Variants in PPM1K observed in about 807,000 individuals in gnomAD.
PPM1K encodes protein phosphatase Mn(2+)-dependent 1K.
In PPM1K, 19 loss-of-function variants were observed where a neutral mutation model predicts 32.6. That is an observed-to-expected ratio of 0.58 (90% CI 0.41 to 0.86). The LOEUF (loss-of-function observed/expected upper bound fraction) is 0.86, where lower values mean the gene tolerates loss of function less well. Among genes scored for constraint, PPM1K ranks in the 40% least tolerant of loss-of-function variants. PPM1K has a pLI of 0.00. For missense variants in PPM1K, 362 were observed against 461.2 expected, an observed-to-expected ratio of 0.78 and a Z score of 1.97; for synonymous variants, 159 against 165.3, an observed-to-expected ratio of 0.96 and a Z score of 0.29.
intron 6 of PPM1K, among the ~76,000 whole-genome samples, chr4:88,263,321 G>GT (rs1465108372): frequency 6.6e-6 from 1 of 152,098 alleles, no homozygotes; most frequent in Non-Finnish European, 1.5e-5. Context: ...AAAAAATATG[G>GT]TAAGAATTTG....
intron 3 of PPM1K, among the ~76,000 whole-genome samples, chr4:88,269,709 GC>G (rs927267829): frequency 5.3e-5 from 8 of 152,168 alleles, no homozygotes; most frequent in African/African-American, 1.9e-4. Flanking sequence ...CAAACGCAGG[GC>G]AGTACTGCCA....
chr4:88,265,070 A>C lies in PPM1K; in HGVS notation c.918T>G (p.Ser306Arg). The C allele has an allele frequency of 1.9e-6, 3 of 1,614,166 alleles. No homozygotes were observed. Among genetic ancestry groups the C allele is most frequent in the Non-Finnish European group, 2.5e-6 (3 of 1,180,026 alleles). Residue 306 changes from serine to arginine, a missense_variant, in exon 6 of 7, where the codon AGT (serine) becomes AGG (arginine). Coordinates refer to ENST00000608933, the MANE Select transcript of PPM1K (RefSeq NM_152542.5). ...GATTGACAAAGTCACAAATCTCTTG[A>C]CTATTCACCATGAAGTTAATTCCAT... ...TTDGINFMVN[S>R]QEICDFVNQC...
intron 2 of PPM1K, chr4:88,277,538 A>G (rs1371880149): frequency 9.8e-6 from 3 of 306,896 alleles, no homozygotes; most frequent in Non-Finnish European, 1.2e-5. Flanking sequence ...TCTTTCGTGG[A>G]ATGCGGTATA....
rs1731133757 is a variant in PPM1K, at chr4:88,261,880, T to TGGG, written c.*714_*715insCCC. On this transcript the variant is annotated 3_prime_UTR_variant, in exon 7 of 7. Transcript: ENST00000608933. Reference sequence around the variant, plus strand: ...GCCCAGCCAATTTTTTTTTTTTTTTTTTTTTTTTTTTTGGATTTTTACTAG... The same window carrying TGGG: ...GCCCAGCCAATTTTTTTTTTTTTTTTGGGTTTTTTTTTTTTGGATTTTTACTAG... 7.0e-6 allele frequency: 1 copy of TGGG among 143,118 alleles called. No individual in the cohort carries two copies. Among genetic ancestry groups the TGGG allele is most frequent in the Non-Finnish European group, 1.5e-5 (1 of 65,890 alleles). 8.9% of individuals were successfully genotyped at this position (143,118 alleles called of 1,614,324 possible). A position where few individuals can be genotyped will look rare whatever the true frequency, so the allele number is the denominator to read the frequency against.
chr4:88,282,439 A>G (rs1459361268), intron 1 of PPM1K, among the ~76,000 whole-genome samples: 2 of 152,258 alleles, frequency 1.3e-5, no homozygotes, highest in Non-Finnish European at 2.9e-5. Flanking sequence ...TTAGGTATCT[A>G]CAACTTCCAC....
chr4:88,273,815 A>G (rs1731657877), intron 3 of PPM1K, among the ~76,000 whole-genome samples: 1 of 152,190 alleles, frequency 6.6e-6, no homozygotes, highest in Non-Finnish European at 1.5e-5. Context: ...ACCCATCTGC[A>G]TAATAAAAGA....
In PPM1K at chr4:88,259,458, C is replaced by G. The variant is rs1731042287; in HGVS notation, c.*3137G>C. On this transcript the variant is annotated 3_prime_UTR_variant, in exon 7 of 7. Coordinates refer to ENST00000608933, the MANE Select transcript of PPM1K (RefSeq NM_152542.5). ...ACATATTAGAAAGGTGATTTCTATA[C>G]TACACATAAATGAAAGACAAACCGA... 6.6e-6 allele frequency: 1 copy of G among 152,098 alleles called. No individual in the cohort carries two copies. The highest frequency in any genetic ancestry group is 6.6e-5 in the Admixed American group (1 of 15,264). 9.4% of individuals were successfully genotyped at this position (152,098 alleles called of 1,614,324 possible). A position where few individuals can be genotyped will look rare whatever the true frequency, so the allele number is the denominator to read the frequency against.
rs1731813839 is a variant in PPM1K at position 88,277,252 on chromosome 4, G to A, written c.441-9C>T. 1 of 1,592,092 alleles carries A rather than the reference G, an allele frequency of 6.3e-7. No individual in the cohort carries two copies. Among genetic ancestry groups the A allele is most frequent in the African/African-American group, 1.3e-5 (1 of 74,120 alleles). ...CCTTAGGAAGCAAATCCCTTTGTGG[G>A]GAGGAAAAAAAGAGCCTTAAACAAT... On this transcript the variant is annotated splice_polypyrimidine_tract_variant and intron_variant, in intron 2 of 6. Transcript: ENST00000608933.
At chr4:88,264,635 C>G (rs6822242) in intron 6 of PPM1K, among the ~76,000 whole-genome samples, 3,180 of 152,286 alleles carry the variant, frequency 0.021, 49 homozygotes, top group Non-Finnish European at 0.032. Flanking sequence ...ACAATAATAG[C>G]TCCAACCTAA....
chr4:88,268,538 G>A (rs1156831507), intron 4 of PPM1K, among the ~76,000 whole-genome samples: 1 of 152,130 alleles, frequency 6.6e-6, no homozygotes, highest in Non-Finnish European at 1.5e-5. Context: ...GGAGAATGGT[G>A]TGAACCCGGG....
chr4:88,267,272 T>C (rs558227702), intron 5 of PPM1K, among the ~76,000 whole-genome samples: 3 of 141,928 alleles, frequency 2.1e-5, no homozygotes, highest in South Asian at 2.3e-4. Context: ...TGCTGGCTGA[T>C]TGGGTGCAGG....
intron 1 of PPM1K, among the ~76,000 whole-genome samples, chr4:88,281,568 T>C (rs1315551713): frequency 6.6e-6 from 1 of 152,214 alleles, no homozygotes; most frequent in African/African-American, 2.4e-5. Flanking sequence ...AAGCAGGCAG[T>C]CATAGGAAAC....
At chr4:88,277,303 A>G (rs1731817911) in intron 2 of PPM1K, 60 bp from the exon 3 acceptor site, 2 of 1,136,202 alleles carry the variant, frequency 1.8e-6, no homozygotes, top group South Asian at 2.5e-5. Flanking sequence ...TTTTCTCCTC[A>G]CTGTTACTCT....
At chr4:88,272,666 T>C (rs1731611879) in intron 3 of PPM1K, among the ~76,000 whole-genome samples, 1 of 152,090 alleles carries the variant, frequency 6.6e-6, no homozygotes, top group Non-Finnish European at 1.5e-5. Context: ...AATTAAAAGA[T>C]GGTGATGAAA....
At chr4:88,273,642 T>C (rs1183716853) in intron 3 of PPM1K, among the ~76,000 whole-genome samples, 3 of 151,010 alleles carry the variant, frequency 2.0e-5, no homozygotes, top group Admixed American at 6.6e-5. Context: ...AATTGCACCA[T>C]TGCACTCTAG....
At chr4:88,271,078 C>T (rs1448549069) in intron 3 of PPM1K, 1 of 518,832 alleles carries the variant, frequency 1.9e-6, no homozygotes, top group South Asian at 1.4e-5. Context: ...AGGATAGGAA[C>T]CGCTGGACTC....
At chr4:88,274,946 A>G in intron 3 of PPM1K, 1 of 356,094 alleles carries the variant, frequency 2.8e-6, no homozygotes, top group Non-Finnish European at 3.9e-6. Flanking sequence ...TAAGATTTTA[A>G]TAACAAATAA....
chr4:88,276,883 TACA>T (rs1731786222), intron 3 of PPM1K: 2 of 909,910 alleles, frequency 2.2e-6, no homozygotes, highest in African/African-American at 3.5e-5. Flanking sequence ...AAAACTAAAG[TACA>T]ACATCAGAAC....
chr4:88,265,915 A>AGCAG (rs1731283860), intron 5 of PPM1K, among the ~76,000 whole-genome samples: 1 of 152,224 alleles, frequency 6.6e-6, no homozygotes, highest in South Asian at 2.1e-4. Context: ...TGTCTCTAAG[A>AGCAG]GCAGGCTTCT....
Sources: allele counts gnomAD v4.1 joint callset (sites outside exome capture counted in the v4.1 genomes callset), GRCh38; gene constraint gnomAD v4.1.1; transcripts MANE v1.5; gene names NCBI Gene and HGNC (gene_info 2026-07-23, HGNC 2026-07-21).